ATP13A3: variants seen among roughly 807,000 people sequenced by gnomAD.
The protein encoded by ATP13A3 is ATPase 13A3, also known as polyamine-transporting ATPase 13A3.
A neutral mutation model predicts 158.1 loss-of-function variants in ATP13A3; 59 were observed. That is an observed-to-expected ratio of 0.37 (90% CI 0.30 to 0.46). The LOEUF is 0.46. ATP13A3 is among the 20% of genes least tolerant of loss of function. The pLI is 1.00. For synonymous variants in ATP13A3, 491 were observed against 504.3 expected (o/e 0.97, Z 0.35); for missense variants, 1,166 against 1,525.2 (o/e 0.76, Z 3.92).
chr3:194,474,209 G>C (rs1720429466), intron 2 of ATP13A3, among the ~76,000 whole-genome samples: 1 of 152,088 alleles, frequency 6.6e-6, no homozygotes, highest in Non-Finnish European at 1.5e-5. Context: ...TGTCACCCAG[G>C]CTGGAAGACA....
intron 33 of ATP13A3, among the ~76,000 whole-genome samples, chr3:194,408,062 C>A (rs1233897020): frequency 6.6e-6 from 1 of 151,038 alleles, no homozygotes; most frequent in African/African-American, 2.4e-5. Context: ...GCTCTGTCGC[C>A]AGGCTGGAGT....
intron 30 of ATP13A3, 44 bp from the exon 31 acceptor site, chr3:194,420,011 C>T: frequency 6.8e-7 from 1 of 1,466,702 alleles, no homozygotes; most frequent in Non-Finnish European, 9.0e-7. Flanking sequence ...TAGGAAATTC[C>T]TTTATATAAA....
rs538351775 is a variant in ATP13A3 at position 194,451,240 on chromosome 3, T to A, written c.839-964A>T. On this transcript the variant is annotated intron_variant, in intron 10 of 33. Transcript: ENST00000645319. ...AGAATGACATTTAGTACATAGTAGA[T>A]ATTATCGATCTTCGTTTTAAAAATA... 3.9e-5 allele frequency: 6 copies of A among 152,338 alleles called. No individual in the cohort carries two copies. The South Asian group carries it at 1.2e-3, about 32-fold the overall frequency. 9.4% of individuals were successfully genotyped at this position (152,338 alleles called of 1,614,324 possible). A position where few individuals can be genotyped will look rare whatever the true frequency, so the allele number is the denominator to read the frequency against.
intron 2 of ATP13A3, among the ~76,000 whole-genome samples, chr3:194,493,638 A>C (rs1721170694): frequency 7.0e-6 from 1 of 142,524 alleles, no homozygotes; most frequent in South Asian, 2.1e-4. Context: ...ACTCCATCTC[A>C]AAAAACAAAA....
intron 2 of ATP13A3, among the ~76,000 whole-genome samples, chr3:194,476,437 C>A (rs1183104227): frequency 6.6e-6 from 1 of 152,216 alleles, no homozygotes; most frequent in Non-Finnish European, 1.5e-5. Context: ...CACCACCCAG[C>A]CACCACCAAT....
intron 28 of ATP13A3, among the ~76,000 whole-genome samples, 164 bp downstream of exon 28, chr3:194,428,681 A>C (rs1716994162): frequency 1.3e-5 from 2 of 152,220 alleles, no homozygotes; most frequent in East Asian, 3.8e-4. Context: ...ACAATTAAAA[A>C]ATTGGCGCAA....
intron 31 of ATP13A3, among the ~76,000 whole-genome samples, chr3:194,415,196 G>A (rs1000275307): frequency 6.6e-6 from 1 of 152,176 alleles, no homozygotes; most frequent in Non-Finnish European, 1.5e-5. Flanking sequence ...AATACTGCTG[G>A]GGAGTCAAGT....
Position 194,424,235 on chromosome 3 carries a change from T to G in ATP13A3, c.3313+1107A>C, listed in dbSNP as rs575164495. ...AATAATATAGTTATTTTTAAAATAA[T>G]AGTTATTTTTTAAAGTTCTTAGTAA... On this transcript the variant is annotated intron_variant, in intron 30 of 33. Coordinates refer to ENST00000645319, the MANE Select transcript of ATP13A3 (RefSeq NM_001367549.1). 3.6e-4 allele frequency among the ~76,000 whole-genome samples: 55 copies of G among 151,638 alleles called. No individual in the cohort carries two copies. The South Asian group carries it at 0.011, about 30-fold the overall frequency.
chr3:194,429,304 A>G (rs981627024), intron 27 of ATP13A3, among the ~76,000 whole-genome samples: 2 of 152,210 alleles, frequency 1.3e-5, no homozygotes, highest in Admixed American at 6.5e-5. Flanking sequence ...GTTGTAAATT[A>G]GTATCTTCAT....
intron 2 of ATP13A3, among the ~76,000 whole-genome samples, chr3:194,464,258 T>C (rs143190196): frequency 5.5e-4 from 84 of 152,306 alleles, no homozygotes; most frequent in South Asian, 5.0e-3. Context: ...TACATAAACA[T>C]TGGTGCAAAA....
chr3:194,446,987 G>A lies in ATP13A3; in HGVS notation c.1437C>T (p.Phe479=). ...AQRRLKKIGI[F]CISPQRINIC... ...TATTTATTCTTTGAGGACTGATACA[G>A]AAAATACCGATTTTTTTCAGTCTTC... Residue 479 remains phenylalanine (F), a synonymous_variant, in exon 14 of 34, where the codon TTC becomes TTT. Transcript: ENST00000645319. 6.2e-7 allele frequency: 1 copy of A among 1,613,768 alleles called. No homozygotes were observed. The highest frequency in any genetic ancestry group is 8.5e-7 in the Non-Finnish European group (1 of 1,179,928).
intron 4 of ATP13A3, 130 bp from the exon 5 acceptor site, chr3:194,460,101 C>T (rs1339497317): frequency 2.8e-6 from 2 of 721,344 alleles, no homozygotes; most frequent in African/African-American, 3.6e-5. Flanking sequence ...CGCCTACTCA[C>T]TAAATATTAA....
chr3:194,493,091 G>A (rs1474631984), intron 2 of ATP13A3, among the ~76,000 whole-genome samples: 1 of 150,330 alleles, frequency 6.7e-6, no homozygotes, highest in African/African-American at 2.4e-5. Flanking sequence ...CTATGATTGT[G>A]CCACTGCACT....
At chr3:194,472,339 A>G (rs1176807962) in intron 2 of ATP13A3, among the ~76,000 whole-genome samples, 2 of 152,218 alleles carry the variant, frequency 1.3e-5, no homozygotes, top group Non-Finnish European at 2.9e-5. Flanking sequence ...CTATGATGCA[A>G]GTTCCTTCAC....
intron 33 of ATP13A3, among the ~76,000 whole-genome samples, chr3:194,408,494 C>G (rs1244681863): frequency 6.6e-6 from 1 of 152,198 alleles, no homozygotes; most frequent in Non-Finnish European, 1.5e-5. Context: ...GCCAAACACA[C>G]ACATATCTCA....
intron 33 of ATP13A3, among the ~76,000 whole-genome samples, chr3:194,411,332 A>C (rs966689874): frequency 6.6e-6 from 1 of 152,170 alleles, no homozygotes; most frequent in Admixed American, 6.5e-5. Flanking sequence ...TGAGTGAAAG[A>C]CTCAGAGCTC....
intron 27 of ATP13A3, among the ~76,000 whole-genome samples, chr3:194,429,256 C>G (rs1033111381): frequency 9.2e-5 from 14 of 151,762 alleles, no homozygotes; most frequent in Non-Finnish European, 1.6e-4. Flanking sequence ...GTTTTTTTGG[C>G]AAAAAGAAAA....
chr3:194,456,966 C>A (rs1350641211), intron 7 of ATP13A3, 128 bp downstream of exon 7: 3 of 512,300 alleles, frequency 5.9e-6, no homozygotes, highest in South Asian at 4.4e-5. Flanking sequence ...TCAATAAATT[C>A]TCAACTACTA....
In ATP13A3 at chr3:194,459,949, C is replaced by G; in HGVS notation, c.248G>C (p.Cys83Ser). 1.2e-6 allele frequency: 2 copies of G among 1,612,254 alleles called. No homozygotes were observed. Among genetic ancestry groups the G allele is most frequent in the Non-Finnish European group, 1.7e-6 (2 of 1,179,010 alleles). Residue 83 changes from cysteine to serine, a missense_variant, in exon 5 of 34, where the codon TGT (cysteine) becomes TCT (serine). Cys to Ser is a moderately radical substitution (Grantham distance 112). This residue lies in a region of ATP13A3 where 104 missense variants were observed against 91.7 expected (regional missense o/e 1.13). Transcript: ENST00000645319. ...RTTDEFKMWF[C>S]AKIRVLSLET... ...CAAAGAAAGAACGCGAATTTTTGCACAAAACCACATTTTGAATTCATCCTT... is the reference window on the plus strand; with the variant it reads ...CAAAGAAAGAACGCGAATTTTTGCAGAAAACCACATTTTGAATTCATCCTT...
Sources: gnomAD v4.1 joint callset for allele counts (sites outside exome capture counted in the v4.1 genomes callset) on GRCh38, gnomAD v4.1.1 for gene constraint, gnomAD v4.1.1 regional missense constraint, MANE v1.5 for transcripts, NCBI Gene and HGNC (gene_info 2026-07-23, HGNC 2026-07-21) for gene names.